DMXL1: variants seen among roughly 807,000 people sequenced by gnomAD.
The protein encoded by DMXL1 is dmX-like protein 1.
In DMXL1, 99 loss-of-function variants were observed where a neutral mutation model predicts 319.2. The observed-to-expected ratio is 0.31, with a 90% confidence interval of 0.26 to 0.37. The LOEUF is 0.37. Ranked by LOEUF, DMXL1 falls within the 10% of genes least tolerant of loss-of-function variation. The probability of loss-of-function intolerance (pLI) is 1.00; values close to 1 mark genes in which losing one functional copy is unlikely to be tolerated. For synonymous variants in DMXL1, 1,385 were observed against 1,235.2 expected (o/e 1.12, Z -2.54); for missense variants, 3,745 against 3,595.6 (o/e 1.04, Z -1.06).
intron 1 of DMXL1, among the ~76,000 whole-genome samples, chr5:119,089,911 C>T (rs768343417): frequency 6.6e-6 from 1 of 150,976 alleles, no homozygotes; most frequent in Admixed American, 6.6e-5. Context: ...CAGACTTGAG[C>T]CACTGCACCC....
chr5:119,169,716 T>C (rs1201723352), intron 23 of DMXL1, among the ~76,000 whole-genome samples: 1 of 152,176 alleles, frequency 6.6e-6, no homozygotes, highest in Non-Finnish European at 1.5e-5. Context: ...ATAGAGATGA[T>C]GTCCAAGTTA....
intron 1 of DMXL1, among the ~76,000 whole-genome samples, chr5:119,086,037 C>T (rs551373326): frequency 3.5e-4 from 53 of 152,188 alleles, no homozygotes; most frequent in African/African-American, 1.2e-3. Flanking sequence ...TAAAGACATA[C>T]CCAAGACTGA....
Position 119,155,325 on chromosome 5 carries a change from A to G in DMXL1, c.4702+3289A>G, listed in dbSNP as rs1770770687. On this transcript the variant is annotated intron_variant, in intron 19 of 43. Coordinates refer to ENST00000539542, the MANE Select transcript of DMXL1 (RefSeq NM_001290321.3). ...TGAAAACCACTGGAAAGGCTTCACC[A>G]TTCTAGATGCCATTGGGGACATGTG... 2.0e-5 allele frequency among the ~76,000 whole-genome samples: 3 copies of G among 152,232 alleles called. No individual in the cohort carries two copies. In the South Asian group the frequency reaches 6.2e-4, roughly 32 times the overall value.
chr5:119,216,792 T>C (rs1783777124), intron 34 of DMXL1, 109 bp from the exon 35 acceptor site: 1 of 674,282 alleles, frequency 1.5e-6, no homozygotes, highest in South Asian at 1.9e-5. Flanking sequence ...AATTGAAATA[T>C]CTACTTTCTT....
chr5:119,211,504 A>G (rs966252384), intron 34 of DMXL1, among the ~76,000 whole-genome samples: 1 of 152,164 alleles, frequency 6.6e-6, no homozygotes, highest in Non-Finnish European at 1.5e-5. Context: ...GCATAAAGTT[A>G]TCATGTTGCC....
intron 7 of DMXL1, among the ~76,000 whole-genome samples, chr5:119,118,293 G>A (rs1761284331): frequency 6.6e-6 from 1 of 152,158 alleles, no homozygotes; most frequent in South Asian, 2.1e-4. Context: ...ACAGTGTGCA[G>A]GTGCCTTTAT....
intron 38 of DMXL1, 113 bp from the exon 39 acceptor site, chr5:119,233,227 A>C: frequency 9.3e-7 from 1 of 1,075,676 alleles, no homozygotes; most frequent in Non-Finnish European, 1.3e-6. Flanking sequence ...AGGTAAATTT[A>C]TATAAGTTGA....
intron 26 of DMXL1, among the ~76,000 whole-genome samples, chr5:119,176,906 TATG>T (rs1775909121): frequency 6.6e-6 from 1 of 152,158 alleles, no homozygotes; most frequent in Admixed American, 6.5e-5. Flanking sequence ...TTAAGAGTAG[TATG>T]ATAACATTAT....
In DMXL1 at chr5:119,216,938, G is replaced by T. The variant is rs761825409; in HGVS notation, c.7964G>T (p.Arg2655Ile). 4.4e-6 allele frequency: 7 copies of T among 1,601,566 alleles called. No homozygotes were observed. The Admixed American group carries it at 8.6e-5, about 20-fold the overall frequency. Residue 2655 changes from arginine to isoleucine, a missense_variant, in exon 35 of 44, where the codon AGA becomes ATA. Transcript: ENST00000539542. ...TTGGGATATCCTGGAGGTAAAGCAA[G>T]AATTATTCATAAGGAATCTGATATC... ...ADLGYPGGKARIIHKESDIIT... is the reference protein window; with the variant it reads ...ADLGYPGGKAIIIHKESDIIT...
intron 14 of DMXL1, among the ~76,000 whole-genome samples, chr5:119,144,237 T>C (rs1768034468): frequency 6.6e-6 from 1 of 151,856 alleles, no homozygotes; most frequent in Non-Finnish European, 1.5e-5. Context: ...TCCTCATCCA[T>C]GGTTATTGAA....
chr5:119,207,456 G>A (rs910368574), intron 34 of DMXL1, among the ~76,000 whole-genome samples: 2 of 152,136 alleles, frequency 1.3e-5, no homozygotes, highest in Non-Finnish European at 1.5e-5. Context: ...CACAAAAGAT[G>A]AGAATCTGTA....
At chr5:119,108,313 A>G (rs751422705) in intron 4 of DMXL1, among the ~76,000 whole-genome samples, 14 of 152,212 alleles carry the variant, frequency 9.2e-5, no homozygotes, top group Non-Finnish European at 1.5e-4. Context: ...TGTCTTTTGT[A>G]TGGATGATAG....
chr5:119,087,757 G>A lies in DMXL1; in HGVS notation c.88-10222G>A, dbSNP rs181721080. ...AGAGTGGGGCGTTAAATTCTCCTAC[G>A]TTATTGTATTGCATTCTATTTAGAT... is the stretch of plus-strand genomic sequence containing the variant. On this transcript the variant is annotated intron_variant, in intron 1 of 43. Coordinates refer to ENST00000539542, the MANE Select transcript of DMXL1 (RefSeq NM_001290321.3). 2.9e-3 allele frequency among the ~76,000 whole-genome samples: 439 copies of A among 151,900 alleles called. 2 individuals carry two copies. Among genetic ancestry groups the A allele is most frequent in the Non-Finnish European group, 3.8e-3 (256 of 67,948 alleles).
rs909766553 is a variant in DMXL1 at position 119,202,744 on chromosome 5, G to A, written c.7746-575G>A. Among the ~76,000 whole-genome samples the A allele has an allele frequency of 5.3e-5, 8 of 151,098 alleles. 1 individual carries two copies. The South Asian group carries it at 6.3e-4, about 12-fold the overall frequency. On this transcript the variant is annotated intron_variant, in intron 32 of 43. Coordinates refer to ENST00000539542, the MANE Select transcript of DMXL1 (RefSeq NM_001290321.3). ...CAGGTGCCTGTAATCCCAGCTACTC[G>A]GGAGGCTGAGGCAGGAGAATCGCTT...
At chr5:119,112,811 G>T (rs1365660230) in intron 5 of DMXL1, among the ~76,000 whole-genome samples, 1 of 152,070 alleles carries the variant, frequency 6.6e-6, no homozygotes, top group African/African-American at 2.4e-5. Context: ...ACAAAAATTA[G>T]CCAGGCGTGG....
chr5:119,172,484 T>G (rs1376100969), intron 25 of DMXL1, among the ~76,000 whole-genome samples: 1 of 152,184 alleles, frequency 6.6e-6, no homozygotes, highest in East Asian at 1.9e-4. Context: ...ATTCTCAAGT[T>G]CACTCCAAAC....
intron 9 of DMXL1, among the ~76,000 whole-genome samples, chr5:119,121,788 G>T (rs1762116850): frequency 1.3e-5 from 2 of 152,214 alleles, no homozygotes; most frequent in Admixed American, 1.3e-4. Flanking sequence ...TTCTCAATGA[G>T]CTGTTGGGTA....
chr5:119,073,225 G>A (rs1044782224), intron 1 of DMXL1, among the ~76,000 whole-genome samples: 3 of 152,124 alleles, frequency 2.0e-5, no homozygotes, highest in African/African-American at 7.2e-5. Context: ...ACCACGGCTG[G>A]CTAAGTTTTC....
At chr5:119,205,726 A>G (rs959481998) in intron 33 of DMXL1, among the ~76,000 whole-genome samples, 1 of 152,086 alleles carries the variant, frequency 6.6e-6, no homozygotes, top group Non-Finnish European at 1.5e-5. Flanking sequence ...GAAAAATGTT[A>G]CATAGTAAAG....
Sources: gnomAD v4.1 joint callset for allele counts (sites outside exome capture counted in the v4.1 genomes callset) on GRCh38, gnomAD v4.1.1 for gene constraint, MANE v1.5 for transcripts, NCBI Gene and HGNC (gene_info 2026-07-23, HGNC 2026-07-21) for gene names.